The following DDAH1 variants were observed in gnomAD, a reference collection of about 807,000 sequenced individuals.
DDAH1 encodes N(G),N(G)-dimethylarginine dimethylaminohydrolase 1.
Under a neutral mutation model 28.8 loss-of-function variants are expected in DDAH1, and 19 were observed. The ratio of observed to expected loss-of-function variants is 0.66; its 90% CI spans 0.46 to 0.97. The LOEUF is 0.97. DDAH1 is among the 50% of genes least tolerant of loss of function. The pLI, the probability that DDAH1 is intolerant of heterozygous loss-of-function variation, is 0.00. For missense variants in DDAH1, 326 were observed against 375.9 expected (o/e 0.87, Z 1.10); for synonymous variants, 153 against 154.4 (o/e 0.99, Z 0.07).
intron 1 of DDAH1, among the ~76,000 whole-genome samples, chr1:85,521,419 G>T (rs1443082014): frequency 6.6e-6 from 1 of 151,586 alleles, no homozygotes; most frequent in Non-Finnish European, 1.5e-5. Context: ...GCAGCTTCTA[G>T]ATGCTGTCTC....
At chr1:85,528,916 G>A (rs1454466974) in intron 1 of DDAH1, among the ~76,000 whole-genome samples, 2 of 150,644 alleles carry the variant, frequency 1.3e-5, no homozygotes, top group African/African-American at 4.9e-5. Context: ...GGAGGTTGCA[G>A]TGAGCCGAGA....
In DDAH1 at chr1:85,448,009, C is replaced by T. The variant is rs537411968; in HGVS notation, c.303+16734G>A. 4 of 152,570 alleles carry T rather than the reference C, an allele frequency of 2.6e-5. No individual in the cohort carries two copies. In the South Asian group the frequency reaches 8.3e-4, roughly 32 times the overall value. 9.5% of individuals were successfully genotyped at this position (152,570 alleles called of 1,614,324 possible). A position where few individuals can be genotyped will look rare whatever the true frequency, so the allele number is the denominator to read the frequency against. ...ACCCATTGTAGTCAGGAGCCAGCAT[C>T]TTCATCATCCTTTCTTGTTAGAACA... On this transcript the variant is annotated intron_variant, in intron 1 of 5. Transcript: ENST00000284031.
At position 85,321,292 on chromosome 1, in the gene DDAH1, G is replaced by T; in HGVS notation, c.*160C>A. 1.7e-6 allele frequency: 1 copy of T among 603,164 alleles called. No homozygotes were observed. Among genetic ancestry groups the T allele is most frequent in the Non-Finnish European group, 3.0e-6 (1 of 336,530 alleles). 37.4% of individuals were successfully genotyped at this position (603,164 alleles called of 1,614,324 possible). A position where few individuals can be genotyped will look rare whatever the true frequency, so the allele number is the denominator to read the frequency against. On this transcript the variant is annotated 3_prime_UTR_variant, in exon 6 of 6. Transcript: ENST00000284031. ...TACCACCTCGAGGGGAGGGAGGGTG[G>T]GGGTGTTGAATGAAGCAATTCAACT... is the stretch of plus-strand genomic sequence containing the variant.
intron 1 of DDAH1, among the ~76,000 whole-genome samples, chr1:85,400,213 C>CTT (rs1652019547): frequency 2.6e-5 from 3 of 116,590 alleles, no homozygotes; most frequent in Non-Finnish European, 3.4e-5. Flanking sequence ...TTTTTTGAGA[C>CTT]GGAGTCTCAA....
intron 2 of DDAH1, among the ~76,000 whole-genome samples, chr1:85,354,770 TAAG>T (rs751610807): frequency 3.3e-5 from 5 of 151,686 alleles, no homozygotes; most frequent in African/African-American, 9.7e-5. Flanking sequence ...CACATAAAAA[TAAG>T]AAGGAGTCTG....
chr1:85,478,356 G>A (rs1035647132), intron 2 of DDAH1, among the ~76,000 whole-genome samples: 10 of 152,312 alleles, frequency 6.6e-5, no homozygotes, highest in African/African-American at 2.4e-4. Context: ...CGTTGCTAAT[G>A]AAGATATACC....
chr1:85,354,806 A>G (rs1430860068), intron 2 of DDAH1, among the ~76,000 whole-genome samples: 1 of 152,100 alleles, frequency 6.6e-6, no homozygotes, highest in African/African-American at 2.4e-5. Flanking sequence ...TTGGAGGCCA[A>G]GTTACATAGC....
intron 1 of DDAH1, among the ~76,000 whole-genome samples, chr1:85,558,073 A>C (rs1408066406): frequency 6.6e-6 from 1 of 152,184 alleles, no homozygotes; most frequent in Non-Finnish European, 1.5e-5. Flanking sequence ...TAAAAAAAAA[A>C]AACATCAATC....
At chr1:85,402,569 T>G (rs1284774819) in intron 1 of DDAH1, among the ~76,000 whole-genome samples, 5 of 152,212 alleles carry the variant, frequency 3.3e-5, no homozygotes, top group Non-Finnish European at 7.3e-5. Flanking sequence ...TATATTTTTC[T>G]GGTAAATATA....
intron 1 of DDAH1, among the ~76,000 whole-genome samples, chr1:85,564,258 T>C (rs1659221372): frequency 6.6e-6 from 1 of 152,144 alleles, no homozygotes; most frequent in Non-Finnish European, 1.5e-5. Flanking sequence ...GCAGATTATA[T>C]ACCTCCCATA....
intron 1 of DDAH1, among the ~76,000 whole-genome samples, chr1:85,557,948 T>C (rs150032870): frequency 1.5e-3 from 225 of 152,270 alleles, no homozygotes; most frequent in African/African-American, 5.1e-3. Context: ...AACTAGTTTA[T>C]GTTGTTTAAG....
chr1:85,427,271 TAAAA>T (rs58534051), intron 1 of DDAH1, among the ~76,000 whole-genome samples: 41,362 of 142,102 alleles, frequency 0.29, 6,021 homozygotes, highest in Middle Eastern at 0.34. Flanking sequence ...CCAAGTGAGC[TAAAA>T]AAAAAAAAAA....
chr1:85,423,181 G>C (rs1260504645), intron 1 of DDAH1, among the ~76,000 whole-genome samples: 1 of 152,094 alleles, frequency 6.6e-6, no homozygotes, highest in Admixed American at 6.6e-5. Context: ...TGACTTTATA[G>C]GAAATCTGGA....
intron 1 of DDAH1, among the ~76,000 whole-genome samples, chr1:85,433,068 C>T (rs1044664521): frequency 6.6e-6 from 1 of 152,160 alleles, no homozygotes; most frequent in Non-Finnish European, 1.5e-5. Context: ...TTTGGCCAGA[C>T]TATACATATA....
chr1:85,424,942 G>T (rs1409705116), intron 1 of DDAH1, among the ~76,000 whole-genome samples: 1 of 152,054 alleles, frequency 6.6e-6, no homozygotes, highest in African/African-American at 2.4e-5. Context: ...TAATGAGAAT[G>T]ATCACAGTCA....
intron 4 of DDAH1, among the ~76,000 whole-genome samples, chr1:85,342,387 AGTGT>A (rs58992773): frequency 0.057 from 8,376 of 147,852 alleles, 453 homozygotes; most frequent in African/African-American, 0.14. Flanking sequence ...TTTTTCTATG[AGTGT>A]GTGTGTGTGT....
intron 1 of DDAH1, among the ~76,000 whole-genome samples, chr1:85,404,123 A>T (rs1021753744): frequency 6.6e-6 from 1 of 152,254 alleles, no homozygotes; most frequent in Non-Finnish European, 1.5e-5. Context: ...ACGAAAGAAA[A>T]AAAAGGCTTA....
intron 1 of DDAH1, among the ~76,000 whole-genome samples, chr1:85,445,126 G>T (rs1023750209): frequency 2.6e-5 from 4 of 152,148 alleles, no homozygotes; most frequent in Admixed American, 6.5e-5. Context: ...TGCCCACCCA[G>T]ATTAAGGGTG....
intron 5 of DDAH1, among the ~76,000 whole-genome samples, chr1:85,324,308 A>T (rs1358480822): frequency 9.3e-6 from 1 of 107,908 alleles, no homozygotes; most frequent in African/African-American, 3.3e-5. Context: ...ATAAATAAAA[A>T]AATAAAAAGA....
Sources: gnomAD v4.1 joint callset for allele counts (sites outside exome capture counted in the v4.1 genomes callset) on GRCh38, gnomAD v4.1.1 for gene constraint, MANE v1.5 for transcripts, NCBI Gene and HGNC (gene_info 2026-07-23, HGNC 2026-07-21) for gene names.